PHTF2: variants seen among roughly 807,000 people sequenced by gnomAD.
The protein encoded by PHTF2 is protein PHTF2.
In PHTF2, 60 loss-of-function variants were observed where a neutral mutation model predicts 101.2. The ratio of observed to expected loss-of-function variants is 0.59; its 90% CI spans 0.48 to 0.73. PHTF2 has a LOEUF of 0.73. PHTF2 is among the 30% of genes least tolerant of loss of function. The probability of loss-of-function intolerance (pLI) is 0.00; values close to 1 mark genes in which losing one functional copy is unlikely to be tolerated. For synonymous variants in PHTF2, 311 were observed against 307.3 expected (o/e 1.01, Z -0.13); for missense variants, 747 against 908.7 (o/e 0.82, Z 2.29).
chr7:77,812,814 C>T (rs1472264423), intron 1 of PHTF2, among the ~76,000 whole-genome samples: 1 of 152,138 alleles, frequency 6.6e-6, no homozygotes, highest in Admixed American at 6.5e-5. Flanking sequence ...TGGTCTCGAT[C>T]TCCTGACCTC....
At chr7:77,890,022 G>A (rs867025804) in intron 3 of PHTF2, among the ~76,000 whole-genome samples, 1 of 146,012 alleles carries the variant, frequency 6.8e-6, no homozygotes, top group East Asian at 2.0e-4. Context: ...ATTAAGACGC[G>A]CCCCCCCCCA....
exon 3 of PHTF2, chr7:77,854,774 A>G (rs758901326): frequency 2.7e-6 from 2 of 745,104 alleles, no homozygotes; most frequent in South Asian, 1.4e-5. Flanking sequence ...GCCCACAGCA[A>G]GTACTGCCTG....
intron 17 of PHTF2, among the ~76,000 whole-genome samples, chr7:77,951,343 G>C (rs1319874756): frequency 6.6e-6 from 1 of 151,962 alleles, no homozygotes; most frequent in Non-Finnish European, 1.5e-5. Context: ...TTATTTTTTA[G>C]GTTGATTTGG....
chr7:77,900,748 A>C, exon 6 of PHTF2: 1 of 1,576,184 alleles, frequency 6.3e-7, no homozygotes, highest in Non-Finnish European at 8.7e-7. Flanking sequence ...GCACATGTGA[A>C]ACCAGACCTC....
intron 15 of PHTF2, 118 bp downstream of exon 14, chr7:77,940,777 A>T (rs1057069663): frequency 6.4e-5 from 42 of 660,414 alleles, no homozygotes; most frequent in Non-Finnish European, 9.5e-5. Context: ...CTCATTCAAA[A>T]ACTGGATTAG....
At chr7:77,845,644 C>G (rs10279537) in intron 2 of PHTF2, among the ~76,000 whole-genome samples, 37,606 of 151,964 alleles carry the variant, frequency 0.25, 4,772 homozygotes, top group South Asian at 0.27. Flanking sequence ...TGTGTGTGGG[C>G]ATGCACACGT....
At chr7:77,829,843 C>T (rs1197850801) in intron 1 of PHTF2, among the ~76,000 whole-genome samples, 1 of 152,130 alleles carries the variant, frequency 6.6e-6, no homozygotes, top group Non-Finnish European at 1.5e-5. Context: ...CCTTTTAAAT[C>T]TTAATGTATT....
chr7:77,859,935 C>G (rs1481540639), intron 3 of PHTF2, among the ~76,000 whole-genome samples: 1 of 152,140 alleles, frequency 6.6e-6, no homozygotes, highest in Non-Finnish European at 1.5e-5. Context: ...GCACAATTTT[C>G]TGCTTTCAGT....
exon 4 of PHTF2, chr7:77,893,646 T>A: frequency 3.5e-6 from 5 of 1,417,720 alleles, no homozygotes; most frequent in Non-Finnish European, 4.9e-6. Flanking sequence ...AAAAATCTGT[T>A]GAACAGAGAG....
intron 13 of PHTF2, among the ~76,000 whole-genome samples, chr7:77,939,605 A>G (rs1408202616): frequency 1.3e-5 from 2 of 151,612 alleles, no homozygotes; most frequent in South Asian, 2.1e-4. Context: ...AAAAAAAAAA[A>G]AAAGAAAACA....
chr7:77,904,196 A>G (rs967726394), intron 7 of PHTF2, among the ~76,000 whole-genome samples: 9 of 152,112 alleles, frequency 5.9e-5, no homozygotes, highest in Admixed American at 4.6e-4. Flanking sequence ...TCCCACCTTA[A>G]CCAGGCTAAA....
At chr7:77,820,987 G>A (rs1348838362) in intron 1 of PHTF2, among the ~76,000 whole-genome samples, 6 of 152,088 alleles carry the variant, frequency 3.9e-5, no homozygotes, top group African/African-American at 1.4e-4. Flanking sequence ...ACTTCCAACT[G>A]TGAGACTCCC....
intron 3 of PHTF2, among the ~76,000 whole-genome samples, chr7:77,891,372 A>G (rs1800388864): frequency 6.6e-6 from 1 of 152,218 alleles, no homozygotes; most frequent in South Asian, 2.1e-4. Context: ...GATTGAATTT[A>G]TAATTTAAGA....
intron 9 of PHTF2, among the ~76,000 whole-genome samples, chr7:77,913,992 G>A (rs1802655855): frequency 6.6e-6 from 1 of 151,462 alleles, no homozygotes; most frequent in South Asian, 2.1e-4. Context: ...CTTGAACCTG[G>A]GTGGCAGAGG....
intron 12 of PHTF2, among the ~76,000 whole-genome samples, chr7:77,932,619 A>AGTGTGTGTGTGT (rs1390574112): frequency 1.1e-4 from 12 of 111,604 alleles, no homozygotes; most frequent in Non-Finnish European, 1.6e-4. Context: ...AGAGAGAGAG[A>AGTGTGTGTGTGT]GAGTGTGTGT....
intron 3 of PHTF2, among the ~76,000 whole-genome samples, chr7:77,891,405 G>A (rs776085705): frequency 6.6e-6 from 1 of 152,052 alleles, no homozygotes; most frequent in Non-Finnish European, 1.5e-5. Context: ...ACTAGTCACC[G>A]CAGGTCACCT....
chr7:77,852,652 T>C (rs1796859317), intron 2 of PHTF2, among the ~76,000 whole-genome samples: 1 of 152,216 alleles, frequency 6.6e-6, no homozygotes, highest in South Asian at 2.1e-4. Flanking sequence ...CAATATTCTG[T>C]GTTTGTCTGT....
Position 77,900,539 on chromosome 7 carries a change from A to C in PHTF2, c.217-172A>C, listed in dbSNP as rs1247184323. 5.2e-6 allele frequency: 3 copies of C among 572,002 alleles called. No homozygotes were observed. In the African/African-American group the frequency reaches 5.7e-5, roughly 11 times the overall value. The allele number at this position is 572,002 out of a possible 1,614,324, so 35.4% of individuals were successfully genotyped here. On this transcript the variant is annotated intron_variant, in intron 5 of 19. Transcript: ENST00000416283. ...AATATATCTTTTTGAACAATAATAA[A>C]ATTTATTACAATACTGTAATTGTGT...
chr7:77,825,721 A>G (rs540945984), intron 1 of PHTF2, among the ~76,000 whole-genome samples: 1 of 152,336 alleles, frequency 6.6e-6, no homozygotes, highest in South Asian at 2.1e-4. Flanking sequence ...AAATGGCCCC[A>G]ACTAAGATGA....
Sources: gnomAD v4.1 joint callset for allele counts (sites outside exome capture counted in the v4.1 genomes callset) on GRCh38, gnomAD v4.1.1 for gene constraint, MANE v1.5 for transcripts, NCBI Gene and HGNC (gene_info 2026-07-23, HGNC 2026-07-21) for gene names.